CHD1: variants seen among roughly 807,000 people sequenced by gnomAD.
CHD1 encodes the protein ATP-dependent chromatin remodeler CHD1.
In CHD1, 36 loss-of-function variants were observed where a neutral mutation model predicts 224.2. The observed-to-expected ratio is 0.16, with a 90% CI of 0.12 to 0.21. CHD1 has a LOEUF of 0.21. CHD1 is among the 10% of genes least tolerant of loss of function. The pLI is 1.00. For synonymous variants in CHD1, 668 were observed against 658.3 expected (o/e 1.01, Z -0.23); for missense variants, 1,378 against 1,994.8 (o/e 0.69, Z 5.89).
Position 98,860,059 on chromosome 5 carries a change from C to T in CHD1, c.4437G>A (p.Trp1479Ter), listed in dbSNP as rs1329235381. The change falls in exon 33 of 36, where the codon TGG becomes TGA. Residue 1479 changes from tryptophan to a stop codon, truncating the protein, a stop_gained. Transcript: ENST00000614616. LOFTEE classifies it high-confidence loss of function. ...EQIKQWRKNL[W>*]IFVSKFTEFD... ...ATTCAGTAAACTTAGATACAAAAAT[C>T]CACAGGTTTCTAGAAGAATTTAAAA... 1 of 1,519,180 alleles carries T rather than the reference C, an allele frequency of 6.6e-7. No homozygotes were observed. 94.1% of individuals were successfully genotyped at this position (1,519,180 alleles called of 1,614,324 possible).
chr5:98,870,045 AAT>A (rs1749216087), intron 29 of CHD1, among the ~76,000 whole-genome samples, 163 bp from the exon 30 acceptor site: 1 of 152,184 alleles, frequency 6.6e-6, no homozygotes, highest in Non-Finnish European at 1.5e-5. Context: ...GATATAACTT[AAT>A]GAGTCAAATA....
intron 20 of CHD1, 88 bp downstream of exon 20, chr5:98,881,887 T>G (rs1412863341): frequency 8.8e-7 from 1 of 1,139,900 alleles, no homozygotes; most frequent in Non-Finnish European, 1.2e-6. Context: ...CTGAATACAT[T>G]TCCTCAATGA....
intron 15 of CHD1, chr5:98,889,592 A>G (rs1315377899): frequency 6.3e-6 from 1 of 159,188 alleles, no homozygotes; most frequent in African/African-American, 2.4e-5. Context: ...ATTATTTTGC[A>G]TGGACCTAAA....
chr5:98,872,017 T>G, intron 28 of CHD1, 34 bp downstream of exon 28: 1 of 1,527,608 alleles, frequency 6.5e-7, no homozygotes, highest in Non-Finnish European at 8.9e-7. Flanking sequence ...AAATTCAACA[T>G]GAATGGTTAA....
At chr5:98,911,148 TATA>T (rs1458798433) in intron 2 of CHD1, among the ~76,000 whole-genome samples, 1 of 63,160 alleles carries the variant, frequency 1.6e-5, no homozygotes, top group East Asian at 3.4e-4. Flanking sequence ...AAAAAAAAAA[TATA>T]TATATATATA....
intron 2 of CHD1, among the ~76,000 whole-genome samples, chr5:98,913,274 C>A (rs914465252): frequency 1.3e-5 from 2 of 152,092 alleles, no homozygotes; most frequent in Non-Finnish European, 2.9e-5. Context: ...AGTTTGAGAT[C>A]AGCCTGGACA....
At position 98,892,384 on chromosome 5, in the gene CHD1, G is replaced by C. The variant is rs1751080124; in HGVS notation, c.2180+141C>G. The C allele has an allele frequency of 1.3e-5, 7 of 540,106 alleles. No individual in the cohort carries two copies. The Admixed American group carries it at 1.9e-4, about 15-fold the overall frequency. The allele number at this position is 540,106 out of a possible 1,614,324, so 33.5% of individuals were successfully genotyped here. On this transcript the variant is annotated intron_variant, in intron 15 of 35. Transcript: ENST00000614616. ...TCTCCTTTTGCCTCCTAACGACACA[G>C]AATAAACTTATTCTGAAACTCGAGA...
chr5:98,867,826 A>C (rs1473048548), intron 31 of CHD1, among the ~76,000 whole-genome samples: 3 of 119,706 alleles, frequency 2.5e-5, no homozygotes, highest in Admixed American at 1.1e-4. Context: ...TTTGAGATAG[A>C]GTCTCACTGT....
intron 32 of CHD1, among the ~76,000 whole-genome samples, chr5:98,861,069 T>C (rs1263694782): frequency 6.6e-6 from 1 of 152,210 alleles, no homozygotes; most frequent in Non-Finnish European, 1.5e-5. Context: ...ATCATCCGAA[T>C]GACTGTCTGA....
chr5:98,871,776 A>T (rs1749371311), intron 28 of CHD1, among the ~76,000 whole-genome samples: 1 of 152,176 alleles, frequency 6.6e-6, no homozygotes, highest in Admixed American at 6.5e-5. Context: ...AAATTTTTTT[A>T]AAGCTAATGA....
chr5:98,890,992 GA>G (rs1320935476), intron 15 of CHD1, among the ~76,000 whole-genome samples: 1 of 152,164 alleles, frequency 6.6e-6, no homozygotes, highest in Non-Finnish European at 1.5e-5. Flanking sequence ...GAGAAAACTT[GA>G]ACACTGATAC....
intron 31 of CHD1, among the ~76,000 whole-genome samples, chr5:98,868,203 T>C (rs774350611): frequency 3.6e-4 from 54 of 151,800 alleles, no homozygotes; most frequent in Non-Finnish European, 7.2e-4. Context: ...GGCACATGCC[T>C]CTAGTCCCAG....
rs114665680 is a variant in CHD1, at chr5:98,918,850, A to G, written c.53+7484T>C. 6.4e-3 allele frequency among the ~76,000 whole-genome samples: 972 copies of G among 152,022 alleles called. 9 individuals carry two copies. Among genetic ancestry groups the G allele is most frequent in the African/African-American group, 0.022 (931 of 41,432 alleles). On this transcript the variant is annotated intron_variant, in intron 2 of 35. Transcript: ENST00000614616. ...TTTTCAAACTACATTTCTCATCATT[A>G]TGAAAATTACAAAAGTTAAAGCATG...
At chr5:98,898,878 G>A (rs951996655) in intron 8 of CHD1, 114 bp from the exon 9 acceptor site, 1 of 661,470 alleles carries the variant, frequency 1.5e-6, no homozygotes, top group East Asian at 2.5e-5. Flanking sequence ...CACTGTGTGG[G>A]CCAAGTTTGA....
chr5:98,897,162 A>G (rs1467922664), intron 11 of CHD1, 31 bp downstream of exon 11: 43 of 1,597,568 alleles, frequency 2.7e-5, no homozygotes, highest in Non-Finnish European at 3.2e-5. Context: ...TTACTCTGTC[A>G]AATTAAATAG....
chr5:98,881,017 G>T, intron 22 of CHD1, 59 bp downstream of exon 22: 3 of 956,586 alleles, frequency 3.1e-6, no homozygotes, highest in South Asian at 1.4e-5. Context: ...ACCACTAAAT[G>T]ACATAACTCA....
intron 35 of CHD1, 84 bp from the exon 36 acceptor site, chr5:98,856,809 T>C: frequency 2.3e-6 from 2 of 873,530 alleles, no homozygotes; most frequent in South Asian, 1.8e-5. Context: ...AACATAAAAA[T>C]ACCTTAAAAC....
chr5:98,868,482 G>A lies in CHD1; in HGVS notation c.4248+13C>T, dbSNP rs1478363027. 1 of 1,600,860 alleles carries A rather than the reference G, an allele frequency of 6.2e-7. No homozygotes were observed. Among genetic ancestry groups the A allele is most frequent in the Non-Finnish European group, 8.5e-7 (1 of 1,176,834 alleles). On this transcript the variant is annotated intron_variant, in intron 31 of 35. Coordinates refer to ENST00000614616, the MANE Select transcript of CHD1 (RefSeq NM_001270.4). ...ATGAGTTAATACTAATAATCAGAAA[G>A]TCTAAGGCTTACAATGCTGAATGTC...
chr5:98,917,299 C>CAAAAAAAAAAAAAAAAAAAAAA lies in CHD1; in HGVS notation c.53+9034_53+9035insTTTTTTTTTTTTTTTTTTTTTT, dbSNP rs70984334. On this transcript the variant is annotated intron_variant, in intron 2 of 35. Coordinates refer to ENST00000614616, the MANE Select transcript of CHD1 (RefSeq NM_001270.4). ...GCCCATCCCTCCAAAAACAAAGAAA[C>CAAAAAAAAAAAAAAAAAAAAAA]AAAAAAAAAAAACAACCTCTTAATT... is the stretch of plus-strand genomic sequence containing the variant. Among the ~76,000 whole-genome samples, 477 of 119,490 alleles carry CAAAAAAAAAAAAAAAAAAAAAA rather than the reference C, an allele frequency of 4.0e-3. 4 individuals carry two copies. Among genetic ancestry groups the CAAAAAAAAAAAAAAAAAAAAAA allele is most frequent in the South Asian group, 5.3e-3 (18 of 3,378 alleles). 78.4% of individuals were successfully genotyped at this position (119,490 alleles called of 152,430 possible).
Sources: allele counts gnomAD v4.1 joint callset (sites outside exome capture counted in the v4.1 genomes callset), GRCh38; gene constraint gnomAD v4.1.1; transcripts MANE v1.5; gene names NCBI Gene and HGNC (gene_info 2026-07-23, HGNC 2026-07-21).